PROSER3: variants seen among roughly 807,000 people sequenced by gnomAD.
The protein encoded by PROSER3 is proline and serine rich 3.
In PROSER3, 33 loss-of-function variants were observed where a neutral mutation model predicts 50.2. The ratio of observed to expected loss-of-function variants is 0.66; its 90% CI spans 0.50 to 0.88. The LOEUF is 0.88. Among genes scored for constraint, PROSER3 ranks in the 40% least tolerant of loss-of-function variants. The pLI, the probability that PROSER3 is intolerant of heterozygous loss-of-function variation, is 0.00. For missense variants in PROSER3, 623 were observed against 612.7 expected (o/e 1.02, Z -0.18); for synonymous variants, 266 against 259.3 (o/e 1.03, Z -0.25).
rs978902954 is a variant in PROSER3 at position 35,768,328 on chromosome 19, C to G, written c.1302-76C>G. The G allele has an allele frequency of 3.8e-6, 6 of 1,579,386 alleles. No individual in the cohort carries two copies. In the African/African-American group the frequency reaches 6.7e-5, roughly 18 times the overall value. On this transcript the variant is annotated intron_variant, in intron 10 of 10. Coordinates refer to ENST00000396908, the Ensembl canonical transcript of PROSER3. ...CATCCAGCCCTCCTCATCCCCTGTC[C>G]CAGCAGTCCGTCCACAGCCCCAGAT...
In PROSER3 at chr19:35,767,802, A is replaced by T. The variant is rs1971206155; in HGVS notation, c.958-2A>T. 4 of 1,610,842 alleles carry T rather than the reference A, an allele frequency of 2.5e-6. No individual in the cohort carries two copies. The South Asian group carries it at 4.4e-5, about 18-fold the overall frequency. On this transcript the variant is annotated splice_acceptor_variant, in intron 8 of 10. Coordinates refer to ENST00000396908, the Ensembl canonical transcript of PROSER3. LOFTEE classifies it high-confidence loss of function. ...CCATCTGAATCCCAGTGTCGGGCCA[A>T]GGCCGAGTCTCTGAAAGCCAAGGCC...
At chr19:35,758,254 A>G in intron 1 of PROSER3, 28 bp downstream of exon 1, 1 of 1,560,864 alleles carries the variant, frequency 6.4e-7, no homozygotes, top group Admixed American at 1.9e-5. Flanking sequence ...TCCAGGGACT[A>G]CAGGAGGCTG....
Position 35,759,444 on chromosome 19 carries a change from T to C in PROSER3, c.82T>C (p.Ser28Pro), listed in dbSNP as rs775576815. The change falls in exon 2 of 11, where the codon TCC (serine) becomes CCC (proline). Residue 28 changes from serine (S) to proline (P), a missense_variant. By Grantham distance (74) the Ser-to-Pro change is moderately conservative. This residue lies in a region of PROSER3 where 236 missense variants were observed against 243.6 expected (regional missense o/e 0.97). Coordinates refer to ENST00000396908, the Ensembl canonical transcript of PROSER3. The stretch of plus-strand genomic sequence containing the variant: ...CCTGGGTCGAAGCCACTACTGGCCA[T>C]CCCAGAGCCAGACCTGGTGTCCCAA... 5 of 1,613,212 alleles carry C rather than the reference T, an allele frequency of 3.1e-6. No individual in the cohort carries two copies. The South Asian group carries it at 5.5e-5, about 18-fold the overall frequency.
chr19:35,762,506 C>T (rs1970988218), intron 5 of PROSER3, 150 bp downstream of exon 5: 6 of 509,726 alleles, frequency 1.2e-5, no homozygotes, highest in Non-Finnish European at 1.7e-5. Flanking sequence ...GCCAGGAGTT[C>T]AAGACCAGCT....
In PROSER3 at chr19:35,758,227, G is replaced by A. The variant is rs1390014213; in HGVS notation, c.11+1G>A. On this transcript the variant is annotated splice_donor_variant, in intron 1 of 10. Coordinates refer to ENST00000396908, the Ensembl canonical transcript of PROSER3. LOFTEE classifies it high-confidence loss of function. ...GAGGGAGCCGCGGGATGGACCGCAGGTGAGGCCGATCGCTCTTCCAGGGAC... is the reference window on the plus strand; with the variant it reads ...GAGGGAGCCGCGGGATGGACCGCAGATGAGGCCGATCGCTCTTCCAGGGAC... 1.9e-6 allele frequency: 3 copies of A among 1,562,814 alleles called. No homozygotes were observed. The highest frequency in any genetic ancestry group is 2.6e-6 in the Non-Finnish European group (3 of 1,153,596).
chr19:35,761,525 G>T (rs1182471537), intron 3 of PROSER3, among the ~76,000 whole-genome samples: 1 of 152,130 alleles, frequency 6.6e-6, no homozygotes, highest in Non-Finnish European at 1.5e-5. Context: ...AGCCGGGCGT[G>T]GTGGTGCATG....
At position 35,766,621 on chromosome 19, in the gene PROSER3, C is replaced by T. The variant is rs563380679; in HGVS notation, c.770-147C>T. On this transcript the variant is annotated intron_variant, in intron 7 of 10. Coordinates refer to ENST00000396908, the Ensembl canonical transcript of PROSER3. ...CCTGACTTTGACCCCTTCCCCTCTT[C>T]CCACCCCAGAGAGGAGCTGGGACAG... 158 of 595,230 alleles carry T rather than the reference C, an allele frequency of 2.7e-4. No homozygotes were observed. The African/African-American group carries it at 2.7e-3, about 10-fold the overall frequency. 36.9% of individuals were successfully genotyped at this position (595,230 alleles called of 1,614,324 possible).
chr19:35,765,451 A>G lies in PROSER3; in HGVS notation c.769+275A>G, dbSNP rs1018821443. ...GGTACATAATGGTGCATAGTGGTGC[A>G]TGCCTGTAGTCTTAGCTACTCAGTA... On this transcript the variant is annotated intron_variant, in intron 7 of 10. Coordinates refer to ENST00000396908, the Ensembl canonical transcript of PROSER3. 2.8e-5 allele frequency among the ~76,000 whole-genome samples: 4 copies of G among 145,424 alleles called. No homozygotes were observed. In the South Asian group the frequency reaches 1.0e-3, roughly 37 times the overall value.
At chr19:35,761,207 T>C (rs1568409212) in intron 3 of PROSER3, among the ~76,000 whole-genome samples, 2 of 152,192 alleles carry the variant, frequency 1.3e-5, no homozygotes, top group African/African-American at 4.8e-5. Flanking sequence ...CTGGTAAATA[T>C]AGTCCATAGG....
exon 4 of PROSER3, chr19:35,762,078 G>A (rs376831520): frequency 6.2e-7 from 1 of 1,611,664 alleles, no homozygotes; most frequent in African/African-American, 1.3e-5. Context: ...CAGCCTGCAG[G>A]CCCAACCCCA....
At chr19:35,768,365 G>A (rs1411315650) in intron 10 of PROSER3, 39 bp from the exon 11 acceptor site, 5 of 1,586,746 alleles carry the variant, frequency 3.2e-6, no homozygotes, top group Non-Finnish European at 3.4e-6. Context: ...CTAAGCCTGA[G>A]CACATACCCC....
At chr19:35,759,714 T>C in intron 2 of PROSER3, 75 bp from the exon 3 acceptor site, 2 of 1,360,828 alleles carry the variant, frequency 1.5e-6, no homozygotes, top group Non-Finnish European at 2.0e-6. Flanking sequence ...AGACTTTGTG[T>C]GTGTCCTGGT....
At chr19:35,770,077 G>A (rs777247424), downstream of PROSER3, among the ~76,000 whole-genome samples, 4 of 152,004 alleles carry the variant, frequency 2.6e-5, no homozygotes, top group Non-Finnish European at 5.9e-5. Flanking sequence ...GCTAATTTTT[G>A]TATTTTTAGT....
At chr19:35,769,727 C>T (rs917996967), downstream of PROSER3, 4 of 152,246 alleles carry the variant, frequency 2.6e-5, no homozygotes, top group Non-Finnish European at 5.9e-5. Context: ...CCATCTCCGC[C>T]TTTATTTTAT....
intron 1 of PROSER3, 92 bp from the exon 2 acceptor site, chr19:35,759,282 G>A (rs1970873912): frequency 3.2e-6 from 3 of 947,660 alleles, no homozygotes. Flanking sequence ...AGGAATCTAT[G>A]GGAATTGTCT....
At chr19:35,762,533 A>T in intron 5 of PROSER3, 177 bp downstream of exon 5, 5 of 411,734 alleles carry the variant, frequency 1.2e-5, no homozygotes, top group Admixed American at 4.0e-5. Flanking sequence ...ACATGGTGAG[A>T]TTCTGCCTCT....
chr19:35,762,562 AAGAG>A (rs57111226), intron 5 of PROSER3: 156 of 402,578 alleles, frequency 3.9e-4, no homozygotes, highest in East Asian at 2.5e-3. Flanking sequence ...AAAAAAAAAA[AAGAG>A]AGAGAGAGAG....
chr19:35,767,510 G>T (rs569028071), intron 8 of PROSER3: 20 of 448,916 alleles, frequency 4.5e-5, no homozygotes, highest in Non-Finnish European at 7.2e-5. Flanking sequence ...GCCCATCCCT[G>T]ACCCAAGCAG....
At chr19:35,769,968 G>C (rs1398721546), downstream of PROSER3, 1 of 152,218 alleles carries the variant, frequency 6.6e-6, no homozygotes, top group African/African-American at 2.4e-5. Context: ...GCAGTGGCAC[G>C]ATCTCGGCTC....
Sources: gnomAD v4.1 joint callset for allele counts (sites outside exome capture counted in the v4.1 genomes callset) on GRCh38, gnomAD v4.1.1 for gene constraint, gnomAD v4.1.1 regional missense constraint, MANE v1.5 for transcripts, NCBI Gene and HGNC (gene_info 2026-07-23, HGNC 2026-07-21) for gene names.